The following NEURL1 variants were observed in gnomAD, a reference collection of about 807,000 sequenced individuals.
NEURL1 encodes the protein E3 ubiquitin-protein ligase NEURL1.
In NEURL1, 26 loss-of-function variants were observed where a neutral mutation model predicts 41.2. The observed-to-expected ratio is 0.63, with a 90% confidence interval of 0.46 to 0.87. The LOEUF (loss-of-function observed/expected upper bound fraction) is 0.87, where lower values mean the gene tolerates loss of function less well. Ranked by LOEUF, NEURL1 falls within the 40% of genes least tolerant of loss-of-function variation. NEURL1 has a pLI of 0.00. For synonymous variants in NEURL1, 400 were observed against 402.3 expected, an observed-to-expected ratio of 0.99 and a Z score of 0.07; for missense variants, 761 against 871.1, an observed-to-expected ratio of 0.87 and a Z score of 1.59.
At chr10:103,551,459 C>T (rs985091662) in intron 1 of NEURL1, among the ~76,000 whole-genome samples, 8 of 152,034 alleles carry the variant, frequency 5.3e-5, no homozygotes, top group Admixed American at 2.0e-4. Flanking sequence ...TGTGCCACCA[C>T]GCCTGGCTAA....
intron 1 of NEURL1, among the ~76,000 whole-genome samples, chr10:103,498,258 C>T (rs575915985): frequency 2.2e-4 from 34 of 152,318 alleles, no homozygotes; most frequent in South Asian, 4.1e-4. Context: ...GACGGAGTCT[C>T]GCTCTGTCGC....
At chr10:103,541,550 C>T (rs573189443) in intron 1 of NEURL1, among the ~76,000 whole-genome samples, 4 of 152,316 alleles carry the variant, frequency 2.6e-5, no homozygotes, top group Non-Finnish European at 4.4e-5. Context: ...CTGCCACACG[C>T]ATCACTAGCT....
intron 1 of NEURL1, among the ~76,000 whole-genome samples, chr10:103,520,673 AC>A (rs2034327471): frequency 1.3e-5 from 2 of 152,282 alleles, no homozygotes; most frequent in South Asian, 4.2e-4. Flanking sequence ...AAGAAAAATA[AC>A]ATAAAATAGT....
At chr10:103,535,378 G>A (rs2034669812) in intron 1 of NEURL1, among the ~76,000 whole-genome samples, 1 of 152,152 alleles carries the variant, frequency 6.6e-6, no homozygotes, top group Non-Finnish European at 1.5e-5. Flanking sequence ...TGGGACATGG[G>A]GTACTAGGTC....
At chr10:103,587,109 A>G (rs1245073899) in intron 4 of NEURL1, among the ~76,000 whole-genome samples, 1 of 152,182 alleles carries the variant, frequency 6.6e-6, no homozygotes, top group Non-Finnish European at 1.5e-5. Context: ...AGCAGGCAAG[A>G]TGAATCAGGC....
chr10:103,558,214 G>C lies in NEURL1; in HGVS notation c.86-12658G>C. ...CTTTAGGGCCTTGGACTTTCGGCTT[G>C]ATTCGGGCCAAACATTTTGGATTGC... is the stretch of plus-strand genomic sequence containing the variant. On this transcript the variant is annotated intron_variant, in intron 1 of 5. Coordinates refer to ENST00000369780, the MANE Select transcript of NEURL1 (RefSeq NM_004210.5). This position sits in a 1 kb window ranked among gnomAD's most constrained non-coding sequence, Gnocchi z 4.2. 1 of 985,414 alleles carries C rather than the reference G, an allele frequency of 1.0e-6. No individual in the cohort carries two copies. Among genetic ancestry groups the C allele is most frequent in the Non-Finnish European group, 1.2e-6 (1 of 829,980 alleles). 61.0% of individuals were successfully genotyped at this position (985,414 alleles called of 1,614,324 possible).
intron 1 of NEURL1, among the ~76,000 whole-genome samples, chr10:103,563,953 T>A (rs1009477256): frequency 6.6e-6 from 1 of 152,206 alleles, no homozygotes; most frequent in Non-Finnish European, 1.5e-5. Context: ...CATGAGAGGC[T>A]GGGCACTGTC....
At chr10:103,538,224 A>C (rs2034738237) in intron 1 of NEURL1, among the ~76,000 whole-genome samples, 1 of 151,810 alleles carries the variant, frequency 6.6e-6, no homozygotes, top group African/African-American at 2.4e-5. Flanking sequence ...CCTCCTGAGT[A>C]GTTGGGACTA....
chr10:103,571,710 C>T lies in NEURL1; in HGVS notation c.537C>T (p.Phe179=). 6.2e-7 allele frequency: 1 copy of T among 1,614,226 alleles called. No individual in the cohort carries two copies. The highest frequency in any genetic ancestry group is 8.5e-7 in the Non-Finnish European group (1 of 1,180,016). ...GGGTGGACAAGAAGGGCCGTGTCTT[C>T]CACCGCATCAACGACTCGGCTGTTA... is the stretch of plus-strand genomic sequence containing the variant. ...AFWVDKKGRV[F]HRINDSAVML... is the part of the protein sequence containing the mutation. Residue 179 remains phenylalanine (F), a synonymous_variant, in exon 3 of 6, where the codon TTC becomes TTT. Transcript: ENST00000369780.
intron 1 of NEURL1, among the ~76,000 whole-genome samples, chr10:103,498,348 TC>T (rs1057236151): frequency 2.2e-4 from 33 of 152,164 alleles, no homozygotes; most frequent in African/African-American, 7.7e-4. Context: ...CGCCTCAGCC[TC>T]CCGAGTAGCT....
chr10:103,584,789 C>A lies in NEURL1; in HGVS notation c.903C>A (p.Ala301=), dbSNP rs772916380. The A allele has an allele frequency of 7.1e-7, 1 of 1,408,238 alleles. No homozygotes were observed. The highest frequency in any genetic ancestry group is 1.4e-5 in the South Asian group (1 of 71,282). 87.2% of individuals were successfully genotyped at this position (1,408,238 alleles called of 1,614,324 possible). A position where few individuals can be genotyped will look rare whatever the true frequency, so the allele number is the denominator to read the frequency against. The change falls in exon 4 of 6, where the codon GCC becomes GCA. Residue 301 remains alanine (A), a synonymous_variant. Coordinates refer to ENST00000369780, the MANE Select transcript of NEURL1 (RefSeq NM_004210.5). Reference sequence around the variant, plus strand: ...ACCTGCGTTTCCACGCCCTGCGCGCCGGCGCGCACGTCCGCATCCTCGACG... The same window carrying A: ...ACCTGCGTTTCCACGCCCTGCGCGCAGGCGCGCACGTCCGCATCCTCGACG... ...DGDLRFHALR[A]GAHVRILDEQ...
At chr10:103,513,694 C>T (rs569366587) in intron 1 of NEURL1, among the ~76,000 whole-genome samples, 3 of 152,000 alleles carry the variant, frequency 2.0e-5, no homozygotes, top group South Asian at 2.1e-4. Flanking sequence ...GAACCCAGGG[C>T]CCCTGGTCCT....
At chr10:103,579,985 A>T (rs2035751982) in intron 3 of NEURL1, among the ~76,000 whole-genome samples, 1 of 152,128 alleles carries the variant, frequency 6.6e-6, no homozygotes, top group Non-Finnish European at 1.5e-5. Flanking sequence ...CCTGCCTTTA[A>T]GCCTTGCCCC....
chr10:103,554,329 T>C (rs908097955), intron 1 of NEURL1, among the ~76,000 whole-genome samples: 3 of 152,216 alleles, frequency 2.0e-5, no homozygotes, highest in Non-Finnish European at 2.9e-5. Context: ...CATGTAACCA[T>C]GTGAGTACAT....
In NEURL1 at chr10:103,533,735, A is replaced by G. The variant is rs572934293; in HGVS notation, c.86-37137A>G. Among the ~76,000 whole-genome samples the G allele has an allele frequency of 1.2e-3, 180 of 152,102 alleles. 1 individual carries two copies. The highest frequency in any genetic ancestry group is 4.1e-3 in the African/African-American group (170 of 41,494). ...GTATTTTTAGTAGAGACGGGGTTTC[A>G]CCGTGTTAGCCAGGATGGTCTCGAT... On this transcript the variant is annotated intron_variant, in intron 1 of 5. Coordinates refer to ENST00000369780, the MANE Select transcript of NEURL1 (RefSeq NM_004210.5).
intron 1 of NEURL1, among the ~76,000 whole-genome samples, chr10:103,522,069 A>C (rs2034361685): frequency 6.6e-6 from 1 of 152,134 alleles, no homozygotes. Flanking sequence ...CTGAGCCAGG[A>C]GGAGGAATTT....
At chr10:103,505,012 CA>C (rs1346622080) in intron 1 of NEURL1, among the ~76,000 whole-genome samples, 4 of 151,324 alleles carry the variant, frequency 2.6e-5, no homozygotes, top group Non-Finnish European at 5.9e-5. Flanking sequence ...CTCCAAATGC[CA>C]ATGTGCCATT....
chr10:103,496,447 A>G (rs1179876240), intron 1 of NEURL1, among the ~76,000 whole-genome samples: 4 of 152,252 alleles, frequency 2.6e-5, no homozygotes, highest in Non-Finnish European at 5.9e-5. Flanking sequence ...AACAAAAACA[A>G]AACAAGCAAA....
chr10:103,571,399 G>T, intron 2 of NEURL1, 102 bp from the exon 3 acceptor site: 1 of 1,246,150 alleles, frequency 8.0e-7, no homozygotes, highest in Non-Finnish European at 1.1e-6. Flanking sequence ...ATGGTGGGCA[G>T]GCTGCTGTGG....
Sources: allele counts gnomAD v4.1 joint callset (sites outside exome capture counted in the v4.1 genomes callset), GRCh38; gene constraint gnomAD v4.1.1; non-coding constraint Gnocchi (gnomAD v3.1); transcripts MANE v1.5; gene names NCBI Gene and HGNC (gene_info 2026-07-23, HGNC 2026-07-21).